The following ASIC2 variants were observed in gnomAD, a reference collection of about 807,000 sequenced individuals.
ASIC2 encodes acid-sensing ion channel 2.
ASIC2 carries 25 observed loss-of-function variants against 57.3 expected under a neutral mutation model. The observed-to-expected ratio is 0.44, with a 90% CI of 0.32 to 0.61. The LOEUF (loss-of-function observed/expected upper bound fraction) is 0.61. ASIC2 is among the 20% of genes least tolerant of loss of function. The probability of loss-of-function intolerance (pLI) is 0.06; values close to 1 mark genes in which losing one functional copy is unlikely to be tolerated. For missense variants in ASIC2, 641 were observed against 738.1 expected (o/e 0.87, Z 1.52); for synonymous variants, 319 against 307.5 (o/e 1.04, Z -0.39).
chr17:33,242,843 T>C (rs1290603922), intron 1 of ASIC2, among the ~76,000 whole-genome samples: 1 of 152,198 alleles, frequency 6.6e-6, no homozygotes, highest in Admixed American at 6.5e-5. Flanking sequence ...TGGGGGTTGT[T>C]GTGCAGGGAA....
At chr17:33,983,834 G>T (rs1158303526) in intron 1 of ASIC2, among the ~76,000 whole-genome samples, 1 of 152,114 alleles carries the variant, frequency 6.6e-6, no homozygotes, top group Non-Finnish European at 1.5e-5. Context: ...GCATCCAATG[G>T]GTAGAGGCCA....
At chr17:33,824,214 G>A (rs542932071) in intron 1 of ASIC2, among the ~76,000 whole-genome samples, 2 of 152,146 alleles carry the variant, frequency 1.3e-5, no homozygotes, top group East Asian at 1.9e-4. Flanking sequence ...ATGCCCAGGC[G>A]GGCCTATATA....
chr17:33,040,261 A>G (rs541789000), intron 3 of ASIC2, among the ~76,000 whole-genome samples: 4 of 152,326 alleles, frequency 2.6e-5, no homozygotes, highest in African/African-American at 7.2e-5. Context: ...ACACACTCCA[A>G]TGACCTATGG....
At chr17:33,601,905 T>C (rs942717099) in intron 1 of ASIC2, among the ~76,000 whole-genome samples, 2 of 152,262 alleles carry the variant, frequency 1.3e-5, no homozygotes, top group Non-Finnish European at 2.9e-5. Flanking sequence ...TTTTTGGACC[T>C]ACTAGAGACC....
chr17:34,015,073 T>C (rs1906902997), intron 1 of ASIC2, among the ~76,000 whole-genome samples: 1 of 149,726 alleles, frequency 6.7e-6, no homozygotes, highest in African/African-American at 2.5e-5. Context: ...TCTGCCTTTT[T>C]TTTTTTTTTT....
intron 1 of ASIC2, among the ~76,000 whole-genome samples, chr17:33,579,255 C>T (rs962700121): frequency 6.9e-6 from 1 of 145,264 alleles, no homozygotes; most frequent in Admixed American, 6.9e-5. Context: ...CATTGCACTC[C>T]AGCCTGGGTA....
At chr17:34,043,667 A>G (rs138966489) in intron 1 of ASIC2, among the ~76,000 whole-genome samples, 1,846 of 152,316 alleles carry the variant, frequency 0.012, 7 homozygotes, top group Admixed American at 0.017. Flanking sequence ...AAACACTTTT[A>G]CCTTCACTAA....
At chr17:34,107,900 C>T (rs376695781) in intron 1 of ASIC2, among the ~76,000 whole-genome samples, 18 of 152,232 alleles carry the variant, frequency 1.2e-4, no homozygotes, top group South Asian at 4.2e-4. Flanking sequence ...TTTGAAAATA[C>T]GTAATTAGAA....
intron 1 of ASIC2, among the ~76,000 whole-genome samples, chr17:33,307,421 T>A (rs1475649586): frequency 1.3e-5 from 2 of 152,186 alleles, no homozygotes; most frequent in Admixed American, 1.3e-4. Context: ...GTCATTCTCC[T>A]GCTTAAGCCT....
At chr17:33,780,127 T>G (rs994766706) in intron 1 of ASIC2, among the ~76,000 whole-genome samples, 1 of 151,972 alleles carries the variant, frequency 6.6e-6, no homozygotes, top group Admixed American at 6.6e-5. Flanking sequence ...CCCGCCACCA[T>G]GCCTGCCTAA....
chr17:33,735,428 G>A (rs1417068530), intron 1 of ASIC2, among the ~76,000 whole-genome samples: 1 of 152,106 alleles, frequency 6.6e-6, no homozygotes, highest in East Asian at 1.9e-4. Flanking sequence ...TCTGGGTAGT[G>A]ACCAAAGAAA....
chr17:33,063,305 G>A (rs533796474), intron 3 of ASIC2, among the ~76,000 whole-genome samples: 1 of 152,324 alleles, frequency 6.6e-6, no homozygotes, highest in African/African-American at 2.4e-5. Flanking sequence ...GGTACCAGCT[G>A]TTCCTTTCCA....
At chr17:34,108,140 CCTTA>C (rs766761783) in intron 1 of ASIC2, among the ~76,000 whole-genome samples, 29 of 152,130 alleles carry the variant, frequency 1.9e-4, no homozygotes, top group African/African-American at 6.0e-4. Flanking sequence ...CAAGGATCTT[CCTTA>C]CTTATTTTCA....
chr17:33,760,721 A>G (rs1013339622), intron 1 of ASIC2, among the ~76,000 whole-genome samples: 3 of 152,118 alleles, frequency 2.0e-5, no homozygotes, highest in Admixed American at 2.0e-4. Flanking sequence ...TATAAGGTGT[A>G]TTCTTGAAGG....
At chr17:33,536,943 T>C (rs1915252099) in intron 1 of ASIC2, among the ~76,000 whole-genome samples, 1 of 152,080 alleles carries the variant, frequency 6.6e-6, no homozygotes, top group Non-Finnish European at 1.5e-5. Flanking sequence ...CCTGGGGATA[T>C]TGAGGCTACA....
chr17:33,170,533 C>T lies in ASIC2; in HGVS notation c.709-58466G>A, dbSNP rs565292694. Reference sequence around the variant, plus strand: ...GAGGAAGGGATTTCATCCTTATGGCCCTGTATCTGCAGCATTGCCCGTCCC... The same window carrying T: ...GAGGAAGGGATTTCATCCTTATGGCTCTGTATCTGCAGCATTGCCCGTCCC... On this transcript the variant is annotated intron_variant, in intron 1 of 9. Coordinates refer to ENST00000225823, the MANE Select transcript of ASIC2 (RefSeq NM_183377.2). 1.7e-3 allele frequency among the ~76,000 whole-genome samples: 264 copies of T among 152,230 alleles called. 2 individuals carry two copies. The highest frequency in any genetic ancestry group is 1.4e-3 in the Non-Finnish European group (97 of 68,022).
intron 1 of ASIC2, among the ~76,000 whole-genome samples, chr17:33,969,230 G>A (rs1328235677): frequency 1.3e-5 from 2 of 152,194 alleles, no homozygotes; most frequent in East Asian, 1.9e-4. Context: ...TTGAAGAAGT[G>A]TATGTTTATC....
In ASIC2 at chr17:34,112,970, G is replaced by A. The variant is rs111853093; in HGVS notation, c.555+43008C>T. On this transcript the variant is annotated intron_variant, in intron 1 of 9. Coordinates refer to the ASIC2 transcript ENST00000359872. ...TCAAGAGTAGGGTCAAGTAGATTGG[G>A]GAGTGAGAAAGAGTGGAAGGCATCA... 1.2e-3 allele frequency among the ~76,000 whole-genome samples: 186 copies of A among 152,270 alleles called. 4 individuals are homozygous for A. The highest frequency in any genetic ancestry group is 4.3e-3 in the African/African-American group (178 of 41,548).
chr17:33,489,609 C>A (rs1913686790), intron 1 of ASIC2, among the ~76,000 whole-genome samples: 1 of 152,212 alleles, frequency 6.6e-6, no homozygotes, highest in South Asian at 2.1e-4. Context: ...ACCTCAGATT[C>A]CAGGCCAGGG....
Sources: allele counts gnomAD v4.1 joint callset (sites outside exome capture counted in the v4.1 genomes callset), GRCh38; gene constraint gnomAD v4.1.1; transcripts MANE v1.5; gene names NCBI Gene and HGNC (gene_info 2026-07-23, HGNC 2026-07-21).